PRKCE: variants seen among roughly 807,000 people sequenced by gnomAD.
PRKCE encodes protein kinase C epsilon, also known as protein kinase C epsilon type.
In PRKCE, 16 loss-of-function variants were observed where a neutral mutation model predicts 85.4. The observed-to-expected ratio is 0.19, with a 90% confidence interval of 0.13 to 0.28. PRKCE has a LOEUF of 0.28. PRKCE is among the 10% of genes least tolerant of loss of function. PRKCE has a pLI of 1.00. For missense variants in PRKCE, 573 were observed against 975.2 expected, an observed-to-expected ratio of 0.59 and a Z score of 5.49; for synonymous variants, 388 against 371.5, an observed-to-expected ratio of 1.04 and a Z score of -0.51.
chr2:46,176,305 G>A (rs1306770257), intron 14 of PRKCE, among the ~76,000 whole-genome samples: 1 of 152,046 alleles, frequency 6.6e-6, no homozygotes, highest in African/African-American at 2.4e-5. Context: ...GGGACGAGCA[G>A]CTCCGTGCGT....
At position 46,159,716 on chromosome 2, in the gene PRKCE, G is replaced by A. The variant is rs1176274023; in HGVS notation, c.2031G>A (p.Glu677=). The part of the protein sequence containing the change: ...FFKEIDWVLL[E]QKKIKPPFKP... Reference sequence around the variant, plus strand: ...AAGAGATTGACTGGGTGCTCCTGGAGCAGAAGAAGATCAAGCCACCCTTCA... The same window carrying A: ...AAGAGATTGACTGGGTGCTCCTGGAACAGAAGAAGATCAAGCCACCCTTCA... The change falls in exon 14 of 15, where the codon GAG becomes GAA. Residue 677 remains glutamate (E), a synonymous_variant. Transcript: ENST00000306156. This position sits in a 1 kb window ranked among gnomAD's most constrained non-coding sequence, Gnocchi z 4.1. The A allele has an allele frequency of 5.0e-6, 8 of 1,599,348 alleles. No homozygotes were observed. The highest frequency in any genetic ancestry group is 6.8e-6 in the Non-Finnish European group (8 of 1,179,826).
intron 10 of PRKCE, among the ~76,000 whole-genome samples, chr2:46,070,008 G>A (rs935480983): frequency 5.3e-5 from 8 of 152,322 alleles, no homozygotes; most frequent in African/African-American, 1.9e-4. Context: ...TGAGTAGCAC[G>A]TGGGTCCTGG....
intron 2 of PRKCE, among the ~76,000 whole-genome samples, chr2:45,934,052 A>C (rs1186458009): frequency 6.6e-6 from 1 of 152,170 alleles, no homozygotes; most frequent in East Asian, 1.9e-4. Flanking sequence ...TTCCAGAGGT[A>C]GTCTCCTAAC....
At chr2:45,713,684 GA>G (rs1679852331) in intron 1 of PRKCE, among the ~76,000 whole-genome samples, 1 of 152,190 alleles carries the variant, frequency 6.6e-6, no homozygotes, top group Non-Finnish European at 1.5e-5. Context: ...CAAGAAGGGG[GA>G]AGGCAGAAAA....
chr2:46,163,765 G>A (rs575949951), intron 14 of PRKCE, among the ~76,000 whole-genome samples: 2 of 144,428 alleles, frequency 1.4e-5, no homozygotes, highest in Middle Eastern at 4.2e-3. Context: ...CAGAGGCCAC[G>A]GGAAAGGTGA....
chr2:46,107,871 C>G (rs1232715479), intron 11 of PRKCE, among the ~76,000 whole-genome samples: 1 of 152,086 alleles, frequency 6.6e-6, no homozygotes, highest in East Asian at 1.9e-4. Context: ...TAAAGGTATC[C>G]TTACAGATCT....
intron 1 of PRKCE, among the ~76,000 whole-genome samples, chr2:45,742,776 C>T (rs980523757): frequency 3.9e-5 from 6 of 152,160 alleles, no homozygotes; most frequent in South Asian, 2.1e-4. Context: ...ATCCAGCAAT[C>T]GCACTTCTGG....
At chr2:45,911,585 G>A (rs1199736926) in intron 2 of PRKCE, among the ~76,000 whole-genome samples, 3 of 152,202 alleles carry the variant, frequency 2.0e-5, no homozygotes, top group Non-Finnish European at 4.4e-5. Context: ...TAGGCAGAGG[G>A]ATGGGCTGAT....
At chr2:46,165,200 G>C (rs945866568) in intron 14 of PRKCE, among the ~76,000 whole-genome samples, 2 of 152,188 alleles carry the variant, frequency 1.3e-5, no homozygotes, top group South Asian at 2.1e-4. Context: ...CTGCTTCAGC[G>C]TGGAGACTTT....
chr2:45,874,156 T>C (rs73928842), intron 2 of PRKCE, among the ~76,000 whole-genome samples: 7,281 of 152,298 alleles, frequency 0.048, 372 homozygotes, highest in African/African-American at 0.13. Context: ...AACTTTCTAC[T>C]TATGAATCCA....
chr2:45,846,441 A>G (rs191316728), intron 2 of PRKCE, among the ~76,000 whole-genome samples: 1 of 152,188 alleles, frequency 6.6e-6, no homozygotes, highest in Non-Finnish European at 1.5e-5. Context: ...ATCTAAACCA[A>G]CAACAGCAAT....
chr2:45,858,343 T>G (rs1487642041), intron 2 of PRKCE, among the ~76,000 whole-genome samples: 1 of 152,092 alleles, frequency 6.6e-6, no homozygotes, highest in Non-Finnish European at 1.5e-5. Context: ...CATGAGGCCT[T>G]CGTCAGCCTT....
At chr2:45,829,138 C>A (rs1029309121) in intron 1 of PRKCE, among the ~76,000 whole-genome samples, 4 of 152,044 alleles carry the variant, frequency 2.6e-5, no homozygotes, top group Non-Finnish European at 2.9e-5. Context: ...CTTAAAAATT[C>A]TGTAATGATT....
intron 1 of PRKCE, among the ~76,000 whole-genome samples, chr2:45,662,309 CACG>C (rs1675706541): frequency 6.6e-6 from 1 of 152,116 alleles, no homozygotes; most frequent in African/African-American, 2.4e-5. Context: ...TACTAGGAGA[CACG>C]ACATTAATCA....
chr2:45,904,623 T>A (rs1696833821), intron 2 of PRKCE, among the ~76,000 whole-genome samples: 1 of 152,162 alleles, frequency 6.6e-6, no homozygotes, highest in Non-Finnish European at 1.5e-5. Context: ...CGTTGATGAT[T>A]ACTAACTGGC....
intron 2 of PRKCE, among the ~76,000 whole-genome samples, chr2:45,922,040 C>G (rs540882384): frequency 3.3e-5 from 5 of 152,094 alleles, no homozygotes; most frequent in Non-Finnish European, 5.9e-5. Context: ...AAAACAAGCC[C>G]TTTCTGCATA....
intron 1 of PRKCE, chr2:45,674,778 G>C (rs1676342933): frequency 6.6e-6 from 1 of 152,222 alleles, no homozygotes; most frequent in African/African-American, 2.4e-5. Context: ...CTGCTTGAGG[G>C]AGAGGAGGGA....
chr2:46,039,592 T>C (rs1185261948), intron 10 of PRKCE, among the ~76,000 whole-genome samples: 2 of 152,010 alleles, frequency 1.3e-5, no homozygotes, highest in South Asian at 2.1e-4. Context: ...GTCTGGTTCA[T>C]GTTATTAAAA....
chr2:45,856,529 G>A (rs950102305), intron 2 of PRKCE, among the ~76,000 whole-genome samples: 4 of 152,060 alleles, frequency 2.6e-5, no homozygotes, highest in Non-Finnish European at 4.4e-5. Context: ...TGTGCCTGGC[G>A]CATTTATCAT....
Sources: allele counts gnomAD v4.1 joint callset (sites outside exome capture counted in the v4.1 genomes callset), GRCh38; gene constraint gnomAD v4.1.1; non-coding constraint Gnocchi (gnomAD v3.1); transcripts MANE v1.5; gene names NCBI Gene and HGNC (gene_info 2026-07-23, HGNC 2026-07-21).